The following ETNK2 variants were observed in gnomAD, a reference collection of about 807,000 sequenced individuals.
ETNK2 encodes the protein ethanolamine kinase-like protein.
A neutral mutation model predicts 46.2 loss-of-function variants in ETNK2; 33 were observed. The observed-to-expected ratio is 0.71, with a 90% CI of 0.54 to 0.96. The LOEUF is 0.96. Ranked by LOEUF, ETNK2 falls within the 40% of genes least tolerant of loss-of-function variation. The pLI is 0.00. For missense variants in ETNK2, 445 were observed against 509.7 expected (o/e 0.87, Z 1.22); for synonymous variants, 194 against 209.0 (o/e 0.93, Z 0.62).
chr1:204,151,710 G>A lies in ETNK2; in HGVS notation c.143C>T (p.Ala48Val). Residue 48 changes from alanine to valine, a missense_variant, in exon 1 of 8, where the codon GCC becomes GTC. Transcript: ENST00000367202. This position sits in a 1 kb window ranked among gnomAD's most constrained non-coding sequence, Gnocchi z 8.0. Reference protein sequence around the residue: ...SCREPPGPPRAAAVAYFGISV... With the variant: ...SCREPPGPPRVAAVAYFGISV... ...AATGCCGAAGTACGCGACGGCGGCG[G>A]CCCTCGGGGGGCCCGGCGGCTCCCG... The A allele has an allele frequency of 6.5e-7, 1 of 1,543,482 alleles. No homozygotes were observed. The highest frequency in any genetic ancestry group is 8.7e-7 in the Non-Finnish European group (1 of 1,144,218).
chr1:204,140,596 C>A (rs1282026871), intron 4 of ETNK2, among the ~76,000 whole-genome samples: 1 of 151,824 alleles, frequency 6.6e-6, no homozygotes, highest in East Asian at 1.9e-4. Context: ...ATGATCTCGG[C>A]TCACTGCAAC....
chr1:204,145,532 T>G (rs902815877), intron 3 of ETNK2, among the ~76,000 whole-genome samples: 3 of 152,218 alleles, frequency 2.0e-5, no homozygotes, highest in Non-Finnish European at 4.4e-5. Context: ...AAAGAGAATA[T>G]TTGACATACA....
At chr1:204,137,340 A>C in intron 5 of ETNK2, 91 bp from the exon 6 acceptor site, 2 of 1,443,890 alleles carry the variant, frequency 1.4e-6, no homozygotes, top group Non-Finnish European at 1.9e-6. Context: ...CTCCCCTCAA[A>C]CTCCCATCTC....
Position 204,151,442 on chromosome 1 carries a change from T to C in ETNK2, c.258+153A>G, listed in dbSNP as rs1571639056. On this transcript the variant is annotated intron_variant, in intron 1 of 7. Coordinates refer to ENST00000367202, the MANE Select transcript of ETNK2 (RefSeq NM_018208.4). The surrounding 1 kb of genome is among the most constrained non-coding windows in gnomAD (Gnocchi z 8.0). ...GAGCCTAGTTTTGGTAGCGACGAAA[T>C]CAATCCGTACACAAACCACGTTCCA... is the stretch of plus-strand genomic sequence containing the variant. The C allele has an allele frequency of 6.2e-6, 7 of 1,123,572 alleles. No individual in the cohort carries two copies. Among genetic ancestry groups the C allele is most frequent in the South Asian group, 1.5e-5 (1 of 67,414 alleles). 69.6% of individuals were successfully genotyped at this position (1,123,572 alleles called of 1,614,324 possible). A position where few individuals can be genotyped will look rare whatever the true frequency, so the allele number is the denominator to read the frequency against.
intron 6 of ETNK2, among the ~76,000 whole-genome samples, chr1:204,136,403 GTA>G (rs35373627): frequency 0.29 from 40,836 of 139,574 alleles, 5,986 homozygotes; most frequent in East Asian, 0.46. Flanking sequence ...CTCAAAAAAA[GTA>G]TATATATATA....
chr1:204,131,981 G>A lies in ETNK2; in HGVS notation c.*203C>T, dbSNP rs1393354873. 1.7e-6 allele frequency: 1 copy of A among 585,170 alleles called. No homozygotes were observed. The highest frequency in any genetic ancestry group is 3.1e-6 in the Non-Finnish European group (1 of 326,506). 36.2% of individuals were successfully genotyped at this position (585,170 alleles called of 1,614,324 possible). On this transcript the variant is annotated 3_prime_UTR_variant, in exon 8 of 8. Transcript: ENST00000367202. The surrounding 1 kb of genome is among the most constrained non-coding windows in gnomAD (Gnocchi z 4.3). ...GGGTGAAGGGGACCCCCGGAAGGGG[G>A]TCCTATCAGCCCCTCCAGACAGGAG...
intron 3 of ETNK2, 59 bp downstream of exon 3, chr1:204,146,583 A>C (rs1657790022): frequency 1.2e-6 from 2 of 1,604,202 alleles, no homozygotes; most frequent in African/African-American, 2.7e-5. Flanking sequence ...GCTGGAGCCA[A>C]AAGGATGGGG....
chr1:204,141,968 G>A (rs1443559009), intron 3 of ETNK2: 2 of 160,122 alleles, frequency 1.2e-5, no homozygotes, highest in African/African-American at 2.4e-5. Flanking sequence ...AGGAAGAGTA[G>A]TGCCCTGGCA....
At chr1:204,132,607 A>AT (rs1477930920) in intron 7 of ETNK2, among the ~76,000 whole-genome samples, 1 of 151,888 alleles carries the variant, frequency 6.6e-6, no homozygotes. Flanking sequence ...TAATATTTGT[A>AT]TTTTTTGTAG....
chr1:204,139,391 G>A (rs1657410987), intron 5 of ETNK2, among the ~76,000 whole-genome samples: 1 of 152,176 alleles, frequency 6.6e-6, no homozygotes. Flanking sequence ...CCTGGAGGAA[G>A]GGGTCTTTTT....
chr1:204,137,024 G>T, intron 6 of ETNK2, 80 bp downstream of exon 6: 1 of 1,563,232 alleles, frequency 6.4e-7, no homozygotes, highest in Non-Finnish European at 8.7e-7. Flanking sequence ...CCTGGGCTCT[G>T]GGTAGGAGGC....
At chr1:204,146,607 T>A (rs752437719) in intron 3 of ETNK2, 35 bp downstream of exon 3, 2 of 1,612,822 alleles carry the variant, frequency 1.2e-6, no homozygotes, top group Admixed American at 1.7e-5. Context: ...GGAGATCATA[T>A]TAAGGCAGCC....
chr1:204,135,610 T>C (rs1001890186), intron 6 of ETNK2, among the ~76,000 whole-genome samples: 4 of 151,992 alleles, frequency 2.6e-5, no homozygotes, highest in Admixed American at 6.6e-5. Flanking sequence ...CTCCCTCCAC[T>C]TTATTTCCTT....
Position 204,131,560 on chromosome 1 carries a change from G to C in ETNK2, c.*624C>G, listed in dbSNP as rs564460294. On this transcript the variant is annotated 3_prime_UTR_variant, in exon 8 of 8. Coordinates refer to ENST00000367202, the MANE Select transcript of ETNK2 (RefSeq NM_018208.4). The surrounding 1 kb of genome is among the most constrained non-coding windows in gnomAD (Gnocchi z 4.3). ...ACAAAACAGAAGCACAGGAGAGCAC[G>C]TTGGGGAGCATGTTTCCTCGGGCTG... The C allele has an allele frequency of 1.9e-5, 3 of 154,726 alleles. No homozygotes were observed. Among genetic ancestry groups the C allele is most frequent in the Non-Finnish European group, 4.3e-5 (3 of 69,562 alleles). The allele number at this position is 154,726 out of a possible 1,614,324, so 9.6% of individuals were successfully genotyped here.
At chr1:204,149,463 C>T (rs1214881040) in intron 2 of ETNK2, among the ~76,000 whole-genome samples, 1 of 152,218 alleles carries the variant, frequency 6.6e-6, no homozygotes, top group East Asian at 1.9e-4. Context: ...CTTAGGGAAC[C>T]AGGTCCTCTG....
Position 204,149,973 on chromosome 1 carries a change from G to A in ETNK2, c.259-11C>T, listed in dbSNP as rs570024026. 6.8e-6 allele frequency: 9 copies of A among 1,317,174 alleles called. No homozygotes were observed. Among genetic ancestry groups the A allele is most frequent in the African/African-American group, 4.6e-5 (3 of 65,386 alleles). The allele number at this position is 1,317,174 out of a possible 1,614,324, so 81.6% of individuals were successfully genotyped here. On this transcript the variant is annotated splice_polypyrimidine_tract_variant and intron_variant, in intron 1 of 7. Coordinates refer to ENST00000367202, the MANE Select transcript of ETNK2 (RefSeq NM_018208.4). ...GCCATCCGTGAAGCGCTAGCATGGGGAGAGGACAGTGCGTGGGTGGGTGGG... is the reference window on the plus strand; with the variant it reads ...GCCATCCGTGAAGCGCTAGCATGGGAAGAGGACAGTGCGTGGGTGGGTGGG...
At chr1:204,146,135 C>G (rs1657769512) in intron 3 of ETNK2, among the ~76,000 whole-genome samples, 1 of 152,148 alleles carries the variant, frequency 6.6e-6, no homozygotes, top group South Asian at 2.1e-4. Context: ...TGGGAAGTAG[C>G]AGGAACCTCG....
At chr1:204,138,442 G>C (rs1657371710) in intron 5 of ETNK2, among the ~76,000 whole-genome samples, 1 of 152,210 alleles carries the variant, frequency 6.6e-6, no homozygotes, top group Non-Finnish European at 1.5e-5. Flanking sequence ...ATTATCCCTT[G>C]TGGAAAGGCC....
chr1:204,143,849 G>A (rs1003184083), intron 3 of ETNK2, among the ~76,000 whole-genome samples: 1 of 151,808 alleles, frequency 6.6e-6, no homozygotes, highest in Non-Finnish European at 1.5e-5. Flanking sequence ...CCAGTTATCC[G>A]CCCCACGTTC....
Sources: allele counts gnomAD v4.1 joint callset (sites outside exome capture counted in the v4.1 genomes callset), GRCh38; gene constraint gnomAD v4.1.1; non-coding constraint Gnocchi (gnomAD v3.1); transcripts MANE v1.5; gene names NCBI Gene and HGNC (gene_info 2026-07-23, HGNC 2026-07-21).